Variants in NXPE2 observed in about 807,000 individuals in gnomAD.
The protein encoded by NXPE2 is neurexophilin and PC-esterase domain family member 2, also known as NXPE family member 2.
In NXPE2, 34 loss-of-function variants were observed where a neutral mutation model predicts 34.4. The ratio of observed to expected loss-of-function variants is 0.99; its 90% confidence interval spans 0.75 to 1.31. NXPE2 has a LOEUF of 1.31. NXPE2 is among the 40% of genes most tolerant of loss of function. The pLI is 0.00. For missense variants in NXPE2, 649 were observed against 672.5 expected, an observed-to-expected ratio of 0.97 and a Z score of 0.39; for synonymous variants, 235 against 231.3, an observed-to-expected ratio of 1.02 and a Z score of -0.15.
At chr11:114,802,447 T>TG in the NXPE2 span, among the ~76,000 whole-genome samples, 1 of 152,204 alleles carries the variant, frequency 6.6e-6, no homozygotes, top group Non-Finnish European at 1.5e-5. Context: ...TGTCCGGGTT[T>TG]GGGTCACAAG....
At chr11:114,651,743 T>C in the NXPE2 span, among the ~76,000 whole-genome samples, 160 of 152,284 alleles carry the variant, frequency 1.1e-3, 1 homozygote, top group Non-Finnish European at 2.0e-3. Flanking sequence ...AGAGCGCTGA[T>C]TGGTGTGTTT....
chr11:114,605,568 G>T, the NXPE2 span, among the ~76,000 whole-genome samples: 1 of 151,096 alleles, frequency 6.6e-6, no homozygotes, highest in African/African-American at 2.4e-5. Context: ...ACTGTTACCC[G>T]GTGGATAATA....
At chr11:114,647,765 G>A in the NXPE2 span, among the ~76,000 whole-genome samples, 4 of 151,352 alleles carry the variant, frequency 2.6e-5, no homozygotes, top group East Asian at 7.7e-4. Flanking sequence ...ACAGTGGCAT[G>A]ATCTGGGTTC....
At chr11:114,464,491 G>C in the NXPE2 span, among the ~76,000 whole-genome samples, 3 of 151,924 alleles carry the variant, frequency 2.0e-5, no homozygotes, top group African/African-American at 7.2e-5. Flanking sequence ...ATTACTTTAG[G>C]TTTATCAGGA....
At chr11:114,468,494 G>A in the NXPE2 span, among the ~76,000 whole-genome samples, 1 of 152,152 alleles carries the variant, frequency 6.6e-6, no homozygotes, top group Non-Finnish European at 1.5e-5. Flanking sequence ...CAAATGCTTA[G>A]GTAGCCTTTA....
At chr11:114,630,568 C>T in the NXPE2 span, among the ~76,000 whole-genome samples, 1 of 151,572 alleles carries the variant, frequency 6.6e-6, no homozygotes, top group Admixed American at 6.6e-5. Flanking sequence ...ACCATAAAAA[C>T]CCCAGAAGAA....
At chr11:114,641,996 A>G in the NXPE2 span, among the ~76,000 whole-genome samples, 6 of 152,084 alleles carry the variant, frequency 3.9e-5, no homozygotes, top group Non-Finnish European at 8.8e-5. Flanking sequence ...GAGAAGATAA[A>G]TTTTAAAAAC....
At chr11:114,488,176 AT>A in the NXPE2 span, among the ~76,000 whole-genome samples, 5 of 152,044 alleles carry the variant, frequency 3.3e-5, no homozygotes, top group Admixed American at 6.6e-5. Flanking sequence ...CTTCAATATT[AT>A]TACTTGTGAT....
At chr11:114,528,262 A>T in the NXPE2 span, among the ~76,000 whole-genome samples, 221 of 152,292 alleles carry the variant, frequency 1.5e-3, no homozygotes, top group Non-Finnish European at 1.6e-3. Flanking sequence ...TGAGCCTCTA[A>T]TTGGTCATGC....
At chr11:114,485,383 C>CTTTTTTTTTTTT in the NXPE2 span, among the ~76,000 whole-genome samples, 1 of 89,218 alleles carries the variant, frequency 1.1e-5, no homozygotes, top group African/African-American at 4.7e-5. Context: ...TAATTTTTGT[C>CTTTTTTTTTTTT]TTTTTTTTTT....
At chr11:114,678,371 T>A (rs188920995), upstream of NXPE2, 2 of 461,132 alleles carry the variant, frequency 4.3e-6, no homozygotes, top group African/African-American at 2.0e-5. Context: ...GGCTTTTTCC[T>A]TCTGGCTCTG....
the NXPE2 span, among the ~76,000 whole-genome samples, chr11:114,632,211 ATG>A: frequency 7.1e-6 from 1 of 141,192 alleles, no homozygotes; most frequent in Non-Finnish European, 1.5e-5. Context: ...CATATTATAT[ATG>A]TATATGTATA....
At chr11:114,758,901 T>G in the NXPE2 span, among the ~76,000 whole-genome samples, 3 of 150,676 alleles carry the variant, frequency 2.0e-5, no homozygotes, top group Non-Finnish European at 4.4e-5. Context: ...AATTTATATA[T>G]TTTTACTATA....
the NXPE2 span, among the ~76,000 whole-genome samples, chr11:114,740,129 G>C: frequency 4.6e-5 from 7 of 152,162 alleles, no homozygotes; most frequent in South Asian, 1.5e-3. Context: ...CAATAACTAA[G>C]AATAAAATAG....
the NXPE2 span, among the ~76,000 whole-genome samples, chr11:114,552,380 A>C: frequency 5.3e-5 from 8 of 152,270 alleles, no homozygotes; most frequent in African/African-American, 1.7e-4. Flanking sequence ...TTTGATTTCC[A>C]AAAGACTGTC....
the NXPE2 span, among the ~76,000 whole-genome samples, chr11:114,475,566 C>T: frequency 6.6e-6 from 1 of 152,038 alleles, no homozygotes; most frequent in Non-Finnish European, 1.5e-5. Flanking sequence ...GGCATCAGTT[C>T]CTCTAGGGCA....
chr11:114,483,540 G>A, the NXPE2 span, among the ~76,000 whole-genome samples: 2 of 152,150 alleles, frequency 1.3e-5, no homozygotes, highest in African/African-American at 2.4e-5. Flanking sequence ...ACACATGGTC[G>A]CTGTTCTTAG....
chr11:114,466,501 A>G, the NXPE2 span, among the ~76,000 whole-genome samples: 1 of 149,378 alleles, frequency 6.7e-6, no homozygotes, highest in Non-Finnish European at 1.5e-5. Context: ...TGGCAATTGG[A>G]TTTTTTTTCT....
chr11:114,736,622 C>T, the NXPE2 span, among the ~76,000 whole-genome samples: 2 of 152,116 alleles, frequency 1.3e-5, no homozygotes, highest in Non-Finnish European at 2.9e-5. Flanking sequence ...GTAATCATCA[C>T]AGGGTCCTGA....
Sources: allele counts gnomAD v4.1 joint callset (sites outside exome capture counted in the v4.1 genomes callset), GRCh38; gene constraint gnomAD v4.1.1; transcripts MANE v1.5; gene names NCBI Gene and HGNC (gene_info 2026-07-23, HGNC 2026-07-21).